Variants in XNDC1N observed in about 807,000 individuals in gnomAD.
The protein encoded by XNDC1N is XRCC1 N-terminal domain containing 1, N-terminal like, also known as protein XNDC1N.
the XNDC1N span, among the ~76,000 whole-genome samples, chr11:71,875,433 A>C: frequency 6.6e-6 from 1 of 152,242 alleles, no homozygotes; most frequent in African/African-American, 2.4e-5. Flanking sequence ...AAATATACTT[A>C]TAGGATATAG....
At chr11:71,901,068 G>A in the XNDC1N span, among the ~76,000 whole-genome samples, 2 of 152,146 alleles carry the variant, frequency 1.3e-5, no homozygotes, top group South Asian at 2.1e-4. Flanking sequence ...CACAATCACT[G>A]TGTCAAGTAT....
At chr11:71,907,536 C>T in the XNDC1N span, among the ~76,000 whole-genome samples, 2 of 151,960 alleles carry the variant, frequency 1.3e-5, no homozygotes, top group African/African-American at 4.8e-5. Context: ...AGTAATATCA[C>T]CTCCCCCTCT....
the XNDC1N span, among the ~76,000 whole-genome samples, chr11:71,914,861 C>A: frequency 4.4e-4 from 67 of 152,192 alleles, 1 homozygote; most frequent in South Asian, 0.014. Flanking sequence ...ATGCTGCAAA[C>A]ATTATTGAAA....
At chr11:71,869,300 T>C in the XNDC1N span, among the ~76,000 whole-genome samples, 3 of 151,822 alleles carry the variant, frequency 2.0e-5, no homozygotes, top group African/African-American at 4.8e-5. Context: ...GAACATGTGG[T>C]GTTTGGTTTT....
the XNDC1N span, among the ~76,000 whole-genome samples, chr11:71,904,494 T>C: frequency 1.3e-5 from 2 of 152,162 alleles, no homozygotes; most frequent in African/African-American, 4.8e-5. Flanking sequence ...GTATACACTA[T>C]GTGTGAACAT....
At chr11:71,902,961 T>C in the XNDC1N span, among the ~76,000 whole-genome samples, 2 of 152,198 alleles carry the variant, frequency 1.3e-5, no homozygotes, top group Non-Finnish European at 2.9e-5. Flanking sequence ...CTAAGGCAGG[T>C]GTGTACAGCA....
At chr11:71,867,284 T>C in the XNDC1N span, among the ~76,000 whole-genome samples, 1 of 152,214 alleles carries the variant, frequency 6.6e-6, no homozygotes, top group Non-Finnish European at 1.5e-5. Context: ...TCCCCAGCCT[T>C]CATCCACCCA....
At chr11:71,885,203 G>A in the XNDC1N span, among the ~76,000 whole-genome samples, 2 of 151,910 alleles carry the variant, frequency 1.3e-5, no homozygotes, top group Non-Finnish European at 2.9e-5. Flanking sequence ...CTACTCCCTG[G>A]GATATCGCGT....
At chr11:71,912,121 A>T in the XNDC1N span, among the ~76,000 whole-genome samples, 34 of 152,316 alleles carry the variant, frequency 2.2e-4, no homozygotes, top group East Asian at 6.6e-3. Context: ...CACCTTTGTC[A>T]GCCCTTGCCA....
the XNDC1N span, among the ~76,000 whole-genome samples, chr11:71,924,815 C>T: frequency 6.6e-6 from 1 of 152,180 alleles, no homozygotes; most frequent in Non-Finnish European, 1.5e-5. Context: ...CATCACCTTA[C>T]TTCAACAATT....
the XNDC1N span, among the ~76,000 whole-genome samples, chr11:71,906,573 A>G: frequency 2.0e-5 from 3 of 152,148 alleles, no homozygotes; most frequent in African/African-American, 7.2e-5. Flanking sequence ...ACGCATTGTG[A>G]AATTAGTAGT....
the XNDC1N span, among the ~76,000 whole-genome samples, chr11:71,909,762 C>T: frequency 7.3e-4 from 111 of 152,280 alleles, no homozygotes; most frequent in African/African-American, 2.6e-3. Flanking sequence ...GACATAAAGT[C>T]ATTCATCAGT....
chr11:71,903,091 G>A, the XNDC1N span: 3 of 568,822 alleles, frequency 5.3e-6, no homozygotes, highest in African/African-American at 3.8e-5. Flanking sequence ...CTTGTGAATT[G>A]CTTCTATCCA....
the XNDC1N span, chr11:71,918,882 C>G: frequency 1.4e-6 from 1 of 702,400 alleles, no homozygotes; most frequent in East Asian, 2.7e-5. Flanking sequence ...ACAGAGAACT[C>G]ACCCACATCA....
chr11:71,887,620 A>G, the XNDC1N span, among the ~76,000 whole-genome samples: 9,904 of 150,800 alleles, frequency 0.066, 339 homozygotes, highest in African/African-American at 0.15. Context: ...CGGTCCCCAG[A>G]GAAGCCCTTC....
chr11:71,925,156 C>G, the XNDC1N span, among the ~76,000 whole-genome samples: 5 of 151,994 alleles, frequency 3.3e-5, no homozygotes, highest in African/African-American at 1.2e-4. Flanking sequence ...TCCAACCTGT[C>G]AATTCTCACT....
chr11:71,879,127 A>G, the XNDC1N span, among the ~76,000 whole-genome samples: 1 of 152,194 alleles, frequency 6.6e-6, no homozygotes, highest in African/African-American at 2.4e-5. Context: ...GAAGACTAGA[A>G]GAAGGGCTAG....
At chr11:71,908,639 A>G in the XNDC1N span, among the ~76,000 whole-genome samples, 1 of 152,080 alleles carries the variant, frequency 6.6e-6, no homozygotes, top group African/African-American at 2.4e-5. Context: ...GACCTTCTCA[A>G]CTGGGAAAAC....
At chr11:71,915,770 G>T in the XNDC1N span, among the ~76,000 whole-genome samples, 3 of 152,146 alleles carry the variant, frequency 2.0e-5, no homozygotes, top group African/African-American at 7.2e-5. Context: ...CAATAACTTA[G>T]AAATAAAGTA....
Sources: allele counts gnomAD v4.1 joint callset (sites outside exome capture counted in the v4.1 genomes callset), GRCh38; gene constraint gnomAD v4.1.1; transcripts MANE v1.5; gene names NCBI Gene and HGNC (gene_info 2026-07-23, HGNC 2026-07-21).